The following GALNTL6 variants were observed in gnomAD, a reference collection of about 807,000 sequenced individuals.
GALNTL6 encodes the protein polypeptide N-acetylgalactosaminyltransferase-like 6.
In GALNTL6, 46 loss-of-function variants were observed where a neutral mutation model predicts 73.7. The observed-to-expected ratio is 0.62, with a 90% CI of 0.49 to 0.80. The LOEUF is 0.80. Ranked by LOEUF, GALNTL6 falls within the 30% of genes least tolerant of loss-of-function variation. The pLI, the probability that GALNTL6 is intolerant of heterozygous loss-of-function variation, is 0.00. For missense variants in GALNTL6, 604 were observed against 755.0 expected (o/e 0.80, Z 2.34); for synonymous variants, 259 against 263.7 (o/e 0.98, Z 0.17).
At chr4:172,404,578 C>A (rs552883811) in intron 5 of GALNTL6, among the ~76,000 whole-genome samples, 1 of 151,072 alleles carries the variant, frequency 6.6e-6, no homozygotes, top group African/African-American at 2.5e-5. Context: ...ATATTCTGAA[C>A]ACAAATCTTG....
At chr4:172,174,880 A>G (rs1405846890) in intron 2 of GALNTL6, among the ~76,000 whole-genome samples, 4 of 152,210 alleles carry the variant, frequency 2.6e-5, no homozygotes, top group Non-Finnish European at 4.4e-5. Context: ...AATATTGCAT[A>G]TACATTTAGA....
At chr4:172,966,405 T>TA (rs886509599) in intron 10 of GALNTL6, among the ~76,000 whole-genome samples, 16 of 152,134 alleles carry the variant, frequency 1.1e-4, no homozygotes, top group African/African-American at 3.4e-4. Flanking sequence ...CGATCTTTTT[T>TA]TTTTTTTGAG....
chr4:171,858,730 A>C (rs1459614054), intron 2 of GALNTL6, among the ~76,000 whole-genome samples: 1 of 152,154 alleles, frequency 6.6e-6, no homozygotes, highest in Non-Finnish European at 1.5e-5. Context: ...AGGAACTTGC[A>C]GTTCTCTTCA....
intron 5 of GALNTL6, among the ~76,000 whole-genome samples, chr4:172,465,002 A>C (rs907570324): frequency 6.6e-6 from 1 of 152,160 alleles, no homozygotes; most frequent in African/African-American, 2.4e-5. Context: ...TTTTAAGTGA[A>C]ACATCGTAAT....
chr4:172,317,283 A>T (rs1313156627), intron 4 of GALNTL6, among the ~76,000 whole-genome samples: 1 of 152,220 alleles, frequency 6.6e-6, no homozygotes, highest in Non-Finnish European at 1.5e-5. Context: ...CATGACTTGC[A>T]TTGTGATGCT....
At chr4:172,393,914 T>A (rs1426104558) in intron 5 of GALNTL6, among the ~76,000 whole-genome samples, 3 of 152,204 alleles carry the variant, frequency 2.0e-5, no homozygotes, top group African/African-American at 7.2e-5. Flanking sequence ...TCACTCACAT[T>A]GTAGGTTTAA....
At chr4:172,432,064 G>A (rs903194877) in intron 5 of GALNTL6, among the ~76,000 whole-genome samples, 3 of 151,896 alleles carry the variant, frequency 2.0e-5, no homozygotes, top group African/African-American at 7.3e-5. Flanking sequence ...ATAAAATAGC[G>A]CTTTCTAGCT....
intron 7 of GALNTL6, among the ~76,000 whole-genome samples, chr4:172,870,021 C>T (rs1235862331): frequency 6.6e-6 from 1 of 151,932 alleles, no homozygotes; most frequent in Non-Finnish European, 1.5e-5. Flanking sequence ...GGTATTTGCT[C>T]TGAAATACAT....
At chr4:172,691,869 A>G (rs1420713817) in intron 5 of GALNTL6, among the ~76,000 whole-genome samples, 1 of 152,244 alleles carries the variant, frequency 6.6e-6, no homozygotes, top group Non-Finnish European at 1.5e-5. Flanking sequence ...TATTGTGTGC[A>G]CCCAATTTGA....
intron 5 of GALNTL6, among the ~76,000 whole-genome samples, chr4:172,407,579 A>G (rs576004223): frequency 6.6e-6 from 1 of 152,158 alleles, no homozygotes; most frequent in East Asian, 1.9e-4. Context: ...ATTGAACTTC[A>G]TATTGGGGAA....
At chr4:172,317,659 C>G (rs1740609575) in intron 4 of GALNTL6, among the ~76,000 whole-genome samples, 1 of 151,840 alleles carries the variant, frequency 6.6e-6, no homozygotes, top group African/African-American at 2.4e-5. Context: ...TATTTTTATG[C>G]ATAGTAGAAA....
intron 7 of GALNTL6, among the ~76,000 whole-genome samples, chr4:172,815,501 G>A (rs1469228724): frequency 2.6e-5 from 4 of 152,114 alleles, no homozygotes; most frequent in Non-Finnish European, 2.9e-5. Flanking sequence ...GATAGTGACT[G>A]GTTATAATGA....
At chr4:172,620,365 G>T (rs1033237386) in intron 5 of GALNTL6, among the ~76,000 whole-genome samples, 12 of 152,102 alleles carry the variant, frequency 7.9e-5, no homozygotes, top group African/African-American at 2.4e-4. Context: ...TTTTAAAAGG[G>T]TGAAGATTAT....
chr4:171,905,062 A>G (rs540471393), intron 2 of GALNTL6, among the ~76,000 whole-genome samples: 2 of 152,300 alleles, frequency 1.3e-5, no homozygotes, highest in Non-Finnish European at 2.9e-5. Context: ...AAAGACCATC[A>G]AGACTAGGAA....
intron 2 of GALNTL6, among the ~76,000 whole-genome samples, chr4:172,054,378 CTTAGT>C (rs1560902585): frequency 6.6e-6 from 1 of 152,040 alleles, no homozygotes; most frequent in African/African-American, 2.4e-5. Flanking sequence ...TGCAAAGTGT[CTTAGT>C]TTATTTAGGC....
At chr4:172,705,138 C>T (rs972779852) in intron 5 of GALNTL6, among the ~76,000 whole-genome samples, 1 of 151,662 alleles carries the variant, frequency 6.6e-6, no homozygotes, top group Middle Eastern at 3.4e-3. Flanking sequence ...TTCACCCACC[C>T]TTTATCTTTT....
At chr4:172,728,241 A>G (rs1180978876) in intron 5 of GALNTL6, among the ~76,000 whole-genome samples, 1 of 152,126 alleles carries the variant, frequency 6.6e-6, no homozygotes, top group Non-Finnish European at 1.5e-5. Context: ...TAATAAATAC[A>G]TTTATATCCT....
intron 2 of GALNTL6, among the ~76,000 whole-genome samples, chr4:172,120,303 T>C (rs1301370775): frequency 1.3e-5 from 2 of 152,218 alleles, no homozygotes; most frequent in East Asian, 3.9e-4. Context: ...GGTCAGAAGT[T>C]TAAAATGAAT....
In GALNTL6 at chr4:172,439,885, G is replaced by C. The variant is rs561922482; in HGVS notation, c.553+91196G>C. On this transcript the variant is annotated intron_variant, in intron 5 of 12. Transcript: ENST00000506823. ...ATTATCAATGTTTCCCAACAGAGTG[G>C]AACATTTGCTAAAATTCACGAACCT... is the stretch of plus-strand genomic sequence containing the variant. 2.0e-5 allele frequency among the ~76,000 whole-genome samples: 3 copies of C among 152,038 alleles called. No homozygotes were observed. The Admixed American group carries it at 2.0e-4, about 10-fold the overall frequency.
Sources: allele counts gnomAD v4.1 joint callset (sites outside exome capture counted in the v4.1 genomes callset), GRCh38; gene constraint gnomAD v4.1.1; transcripts MANE v1.5; gene names NCBI Gene and HGNC (gene_info 2026-07-23, HGNC 2026-07-21).